The following POPDC2 variants were observed in gnomAD, a reference collection of about 807,000 sequenced individuals.
POPDC2 encodes the protein popeye domain cAMP effector 2.
Under a neutral mutation model 30.5 loss-of-function variants are expected in POPDC2, and 24 were observed. The ratio of observed to expected loss-of-function variants is 0.79; its 90% confidence interval spans 0.57 to 1.11. The LOEUF is 1.11. POPDC2 is among the 50% of genes least tolerant of loss of function. The pLI is 0.00. For missense variants in POPDC2, 409 were observed against 447.0 expected, an observed-to-expected ratio of 0.91 and a Z score of 0.77; for synonymous variants, 185 against 183.3, an observed-to-expected ratio of 1.01 and a Z score of -0.07.
chr3:119,646,801 G>A (rs532514593), intron 3 of POPDC2, among the ~76,000 whole-genome samples: 59 of 152,290 alleles, frequency 3.9e-4, no homozygotes, highest in African/African-American at 1.3e-3. Context: ...AAGAGAGAGT[G>A]TATAGGTGGA....
intron 3 of POPDC2, among the ~76,000 whole-genome samples, chr3:119,643,709 G>T (rs2052714961): frequency 6.6e-6 from 1 of 152,138 alleles, no homozygotes; most frequent in South Asian, 2.1e-4. Flanking sequence ...CAGAATCCTA[G>T]AGTTAGAAGT....
At chr3:119,659,210 C>T (rs573394260) in intron 1 of POPDC2, among the ~76,000 whole-genome samples, 47 of 152,342 alleles carry the variant, frequency 3.1e-4, no homozygotes, top group African/African-American at 1.0e-3. Context: ...CCAAAAGAGG[C>T]GGTGCTTCCA....
At chr3:119,659,548 T>G (rs1485452333) in intron 1 of POPDC2, among the ~76,000 whole-genome samples, 2 of 152,234 alleles carry the variant, frequency 1.3e-5, no homozygotes, top group African/African-American at 4.8e-5. Flanking sequence ...TTAACCTTAT[T>G]GAAATGTTAG....
intron 2 of POPDC2, 99 bp from the exon 3 acceptor site, chr3:119,648,767 T>C: frequency 9.3e-7 from 1 of 1,080,706 alleles, no homozygotes; most frequent in Non-Finnish European, 1.3e-6. Flanking sequence ...AGCTGTACTT[T>C]TACTGAAGAA....
At position 119,660,072 on chromosome 3, in the gene POPDC2, G is replaced by A. The variant is rs2052924185; in HGVS notation, c.352C>T (p.Pro118Ser). 19 of 1,614,212 alleles carry A rather than the reference G, an allele frequency of 1.2e-5. No homozygotes were observed. The highest frequency in any genetic ancestry group is 1.6e-5 in the Non-Finnish European group (19 of 1,180,038). ...FDLLYKTLCL[P>S]LQVPLQTYKE... is the part of the protein sequence containing the mutation. ...TATGTCTGTAGGGGCACCTGCAAGGGCAGGCACAGCGTCTTGTAGAGGAGG... is the reference window on the plus strand; with the variant it reads ...TATGTCTGTAGGGGCACCTGCAAGGACAGGCACAGCGTCTTGTAGAGGAGG... The change falls in exon 1 of 4, where the codon CCC becomes TCC. Residue 118 changes from proline (P) to serine (S), a missense_variant. By Grantham distance (74) the Pro-to-Ser change is moderately conservative (BLOSUM62 -1). Coordinates refer to ENST00000493094, the MANE Select transcript of POPDC2 (RefSeq NM_001369919.2).
intron 2 of POPDC2, among the ~76,000 whole-genome samples, chr3:119,654,296 G>C (rs1382672803): frequency 1.3e-5 from 2 of 152,160 alleles, no homozygotes; most frequent in Non-Finnish European, 2.9e-5. Context: ...CAAGTAACAT[G>C]GTCTACCCAG....
intron 2 of POPDC2, 52 bp from the exon 3 acceptor site, chr3:119,648,720 A>G: frequency 6.7e-7 from 1 of 1,482,866 alleles, no homozygotes; most frequent in Non-Finnish European, 9.2e-7. Context: ...AAATTTGTCC[A>G]TGCTGAGCAC....
At chr3:119,651,072 C>T (rs2107817896) in intron 2 of POPDC2, among the ~76,000 whole-genome samples, 1 of 152,252 alleles carries the variant, frequency 6.6e-6, no homozygotes, top group African/African-American at 2.4e-5. Flanking sequence ...ATGCTATGGC[C>T]CTACATGATC....
In POPDC2 at chr3:119,648,543, T is replaced by C. The variant is rs2688643; in HGVS notation, c.726A>G (p.Ser242=). The part of the protein sequence containing the change: ...LFSALLGYDI[S]EKLYTLNDKL... Reference sequence around the variant, plus strand: ...TGTCATTGAGAGTGTAGAGCTTCTCTGAGATGTCATATCCCAGCAGAGCCG... The same window carrying C: ...TGTCATTGAGAGTGTAGAGCTTCTCCGAGATGTCATATCCCAGCAGAGCCG... Residue 242 remains serine, a synonymous_variant, in exon 3 of 4, where the codon TCA becomes TCG. Transcript: ENST00000493094. The C allele has an allele frequency of 0.99, 1,599,095 of 1,613,974 alleles. 793,278 individuals carry two copies. Among genetic ancestry groups the C allele is most frequent in the East Asian group, 1 (44,881 of 44,886 alleles).
At chr3:119,651,275 G>A (rs2052805046) in intron 2 of POPDC2, among the ~76,000 whole-genome samples, 1 of 151,540 alleles carries the variant, frequency 6.6e-6, no homozygotes, top group Non-Finnish European at 1.5e-5. Flanking sequence ...TCTCTCTCAG[G>A]TTTTTGCTCA....
At chr3:119,656,992 A>G (rs765889885) in intron 1 of POPDC2, among the ~76,000 whole-genome samples, 4 of 152,236 alleles carry the variant, frequency 2.6e-5, no homozygotes, top group Non-Finnish European at 4.4e-5. Flanking sequence ...CTGCAAGTCA[A>G]TGTGATAGGT....
At chr3:119,654,451 G>T (rs2052854028) in intron 2 of POPDC2, 54 bp downstream of exon 2, 1 of 1,201,932 alleles carries the variant, frequency 8.3e-7, no homozygotes, top group Non-Finnish European at 1.2e-6. Flanking sequence ...CACGGATATT[G>T]CTGGGCTACA....
At chr3:119,658,107 G>A (rs1017912082) in intron 1 of POPDC2, among the ~76,000 whole-genome samples, 9 of 152,196 alleles carry the variant, frequency 5.9e-5, no homozygotes, top group African/African-American at 2.2e-4. Context: ...CTGGCACAAA[G>A]TTCTTGTCTG....
intron 3 of POPDC2, among the ~76,000 whole-genome samples, chr3:119,643,202 C>T (rs750210980): frequency 6.6e-6 from 1 of 152,218 alleles, no homozygotes; most frequent in Non-Finnish European, 1.5e-5. Context: ...CTGACAGCTA[C>T]CAAAAACCTT....
chr3:119,644,749 G>A (rs2052726743), intron 3 of POPDC2, among the ~76,000 whole-genome samples: 1 of 152,180 alleles, frequency 6.6e-6, no homozygotes, highest in Non-Finnish European at 1.5e-5. Flanking sequence ...ATAGCAATGA[G>A]CTTAACATTT....
In POPDC2 at chr3:119,660,345, C is replaced by A; in HGVS notation, c.79G>T (p.Gly27Trp). The change falls in exon 1 of 4, where the codon GGG (glycine) becomes TGG (tryptophan). Residue 27 changes from glycine to tryptophan, a missense_variant. Physicochemically the swap from Gly to Trp is radical, Grantham distance 184. Coordinates refer to ENST00000493094, the MANE Select transcript of POPDC2 (RefSeq NM_001369919.2). ...CAGTTGGCTAGGTGGTAGACAGCCC[C>A]TTCCACATCCTGCTTCCACCTAATG... The part of the protein sequence containing the change: ...ACIRWKQDVE[G>W]AVYHLANCLL... 6.2e-7 allele frequency: 1 copy of A among 1,614,156 alleles called. No homozygotes were observed. The highest frequency in any genetic ancestry group is 2.2e-5 in the East Asian group (1 of 44,870).
Position 119,654,619 on chromosome 3 carries a change from AAGG to A in POPDC2, c.492-9_492-7del, listed in dbSNP as rs756823523. On this transcript the variant is annotated splice_region_variant and splice_polypyrimidine_tract_variant and intron_variant, in intron 1 of 3. Coordinates refer to ENST00000493094, the MANE Select transcript of POPDC2 (RefSeq NM_001369919.2). ...CATCCTGGCTCACACGAACCCTGGC[AAGG>A]GAAGAGAAGAGATCATGTGGGAAAA... 2 of 1,609,156 alleles carry A rather than the reference AAGG, an allele frequency of 1.2e-6. No homozygotes were observed. Among genetic ancestry groups the A allele is most frequent in the South Asian group, 2.2e-5 (2 of 91,002 alleles).
chr3:119,656,634 C>T (rs1374218308), intron 1 of POPDC2, among the ~76,000 whole-genome samples: 1 of 152,182 alleles, frequency 6.6e-6, no homozygotes, highest in Non-Finnish European at 1.5e-5. Flanking sequence ...GAGGCCACAT[C>T]TGGAAGAAGA....
intron 3 of POPDC2, among the ~76,000 whole-genome samples, chr3:119,643,974 A>G (rs2052717663): frequency 6.6e-6 from 1 of 152,218 alleles, no homozygotes; most frequent in African/African-American, 2.4e-5. Flanking sequence ...ATTTGAAGAT[A>G]TTACACTTGC....
Sources: gnomAD v4.1 joint callset for allele counts (sites outside exome capture counted in the v4.1 genomes callset) on GRCh38, gnomAD v4.1.1 for gene constraint, MANE v1.5 for transcripts, NCBI Gene and HGNC (gene_info 2026-07-23, HGNC 2026-07-21) for gene names.